Variants in SAG observed in about 807,000 individuals in gnomAD.
SAG encodes S-antigen visual arrestin, also known as S-arrestin.
SAG carries 45 observed loss-of-function variants against 55.0 expected under a neutral mutation model. The ratio of observed to expected loss-of-function variants is 0.82; its 90% confidence interval spans 0.64 to 1.05. SAG has a LOEUF of 1.05. Ranked by LOEUF, SAG falls within the 50% of genes least tolerant of loss-of-function variation. The pLI is 0.00. For synonymous variants in SAG, 189 were observed against 197.4 expected, an observed-to-expected ratio of 0.96 and a Z score of 0.36; for missense variants, 455 against 512.1, an observed-to-expected ratio of 0.89 and a Z score of 1.08.
chr2:233,315,662 G>A (rs539348802), intron 2 of SAG, among the ~76,000 whole-genome samples: 143 of 151,208 alleles, frequency 9.5e-4, no homozygotes, highest in African/African-American at 3.3e-3. Context: ...GATTTAACAT[G>A]CAAATGGATG....
chr2:233,346,411 A>C lies in SAG; in HGVS notation c.1111A>C (p.Ser371Arg), dbSNP rs1701254072. Residue 371 changes from serine (S) to arginine (R), a missense_variant and splice_region_variant, in exon 15 of 16, where the codon AGT (serine) becomes CGT (arginine). Transcript: ENST00000409110. ...TTATTCCATGCTTACAGCTAAGGAA[A>C]GGTGAGTGAGCCTCTTGAATGTGGC... Reference protein sequence around the residue: ...HPQPEDPAKESYQDANLVFEE... With the variant: ...HPQPEDPAKERYQDANLVFEE... The C allele has an allele frequency of 6.2e-7, 1 of 1,613,716 alleles. No individual in the cohort carries two copies. The highest frequency in any genetic ancestry group is 8.5e-7 in the Non-Finnish European group (1 of 1,179,762).
At chr2:233,336,689 A>G (rs1316604416) in intron 11 of SAG, among the ~76,000 whole-genome samples, 1 of 152,196 alleles carries the variant, frequency 6.6e-6, no homozygotes, top group African/African-American at 2.4e-5. Context: ...TCCACTCCAC[A>G]GCAAATCTCC....
chr2:233,316,996 A>G (rs1574930633), intron 3 of SAG, among the ~76,000 whole-genome samples: 1 of 152,100 alleles, frequency 6.6e-6, no homozygotes, highest in African/African-American at 2.4e-5. Context: ...CAAGTAGCTG[A>G]GACTACAGGC....
intron 7 of SAG, 163 bp downstream of exon 7, chr2:233,327,360 GA>G (rs773130070): frequency 1.0e-4 from 54 of 514,514 alleles, no homozygotes; most frequent in Middle Eastern, 4.1e-4. Context: ...CATTTTTGGG[GA>G]AAAAAAAGAA....
intron 2 of SAG, among the ~76,000 whole-genome samples, chr2:233,315,568 C>T (rs1259141497): frequency 6.6e-6 from 1 of 151,930 alleles, no homozygotes; most frequent in African/African-American, 2.4e-5. Flanking sequence ...GCTGGGATTA[C>T]AGGGGTGAGC....
chr2:233,326,586 C>CAA (rs35383170), intron 6 of SAG, among the ~76,000 whole-genome samples: 26 of 123,616 alleles, frequency 2.1e-4, no homozygotes, highest in East Asian at 9.4e-4. Context: ...ACTCCATCTC[C>CAA]AAAAAAAAAA....
At chr2:233,315,309 T>TC in intron 2 of SAG, among the ~76,000 whole-genome samples, 1 of 129,270 alleles carries the variant, frequency 7.7e-6, no homozygotes, top group Non-Finnish European at 1.6e-5. Context: ...TTTTTTTTTT[T>TC]TGAGACAGAG....
chr2:233,337,971 A>G (rs893162499), intron 11 of SAG, among the ~76,000 whole-genome samples: 3 of 152,226 alleles, frequency 2.0e-5, no homozygotes, highest in Non-Finnish European at 4.4e-5. Flanking sequence ...ATTTCTGTCA[A>G]GGAACGTCAC....
At chr2:233,321,986 TACACACACACACACACACACACAC>T (rs57822347) in intron 5 of SAG, among the ~76,000 whole-genome samples, 41 of 133,336 alleles carry the variant, frequency 3.1e-4, no homozygotes, top group Admixed American at 8.4e-4. Flanking sequence ...CTACTAAAAA[TACACACACACACACACACACACAC>T]ACACACACAC....
rs759189697 is a variant in SAG, at chr2:233,328,629, C to T, written c.648+16C>T. 21 of 1,597,876 alleles carry T rather than the reference C, an allele frequency of 1.3e-5. No individual in the cohort carries two copies. The highest frequency in any genetic ancestry group is 1.7e-5 in the Non-Finnish European group (20 of 1,168,962). On this transcript the variant is annotated intron_variant, in intron 8 of 15. Coordinates refer to ENST00000409110, the MANE Select transcript of SAG (RefSeq NM_000541.5). ...CAACAAAGAGGTAACCACCTACCAT[C>T]GCTACTACCCGCAGGGCAGCAGGCC...
chr2:233,319,727 G>T lies in SAG; in HGVS notation c.182-903G>T, dbSNP rs75912513. On this transcript the variant is annotated intron_variant, in intron 4 of 15. Transcript: ENST00000409110. This position sits in a 1 kb window ranked among gnomAD's most constrained non-coding sequence, Gnocchi z 4.4. Reference sequence around the variant, plus strand: ...CCCAAGTCCTTGACCAGAGAAGGGCGCCTGTTCTCAGGGAAAGCCACTGCA... The same window carrying T: ...CCCAAGTCCTTGACCAGAGAAGGGCTCCTGTTCTCAGGGAAAGCCACTGCA... 6.4e-5 allele frequency: 63 copies of T among 985,592 alleles called. No homozygotes were observed. The highest frequency in any genetic ancestry group is 7.2e-5 in the Non-Finnish European group (60 of 830,114). 61.1% of individuals were successfully genotyped at this position (985,592 alleles called of 1,614,324 possible). A position where few individuals can be genotyped will look rare whatever the true frequency, so the allele number is the denominator to read the frequency against.
At chr2:233,323,416 T>G (rs1574937127) in intron 6 of SAG, among the ~76,000 whole-genome samples, 1 of 150,490 alleles carries the variant, frequency 6.6e-6, no homozygotes, top group East Asian at 2.0e-4. Context: ...CAGGCTGGAG[T>G]GCAATGGCAT....
At position 233,323,006 on chromosome 2, in the gene SAG, G is replaced by T. The variant is rs750740193; in HGVS notation, c.435+1G>T. 3 of 1,553,206 alleles carry T rather than the reference G, an allele frequency of 1.9e-6. No homozygotes were observed. Among genetic ancestry groups the T allele is most frequent in the Non-Finnish European group, 2.6e-6 (3 of 1,138,766 alleles). ...GCCAGCTCCACAAGATTCAGGGAAG[G>T]TTAGTTCAAGAAGAAATGCCATGGT... On this transcript the variant is annotated splice_donor_variant, in intron 6 of 15. Coordinates refer to ENST00000409110, the MANE Select transcript of SAG (RefSeq NM_000541.5). LOFTEE classifies it high-confidence loss of function.
chr2:233,343,758 T>C (rs992837989), intron 14 of SAG: 6 of 1,096,036 alleles, frequency 5.5e-6, no homozygotes, highest in African/African-American at 3.4e-5. Context: ...TCCGTAGGTA[T>C]AGGAATAAGG....
At chr2:233,336,869 GC>G (rs1236156272) in intron 11 of SAG, among the ~76,000 whole-genome samples, 1 of 152,130 alleles carries the variant, frequency 6.6e-6, no homozygotes, top group African/African-American at 2.4e-5. Flanking sequence ...GCCAGAGTGG[GC>G]GAATCGCTTG....
At chr2:233,343,807 A>C (rs1382191805) in intron 14 of SAG, 1 of 990,974 alleles carries the variant, frequency 1.0e-6, no homozygotes, top group African/African-American at 1.8e-5. Context: ...AGCAGGGTTT[A>C]TTTTTCTCAT....
At chr2:233,314,699 T>C (rs989725714) in intron 2 of SAG, among the ~76,000 whole-genome samples, 1 of 152,164 alleles carries the variant, frequency 6.6e-6, no homozygotes, top group Admixed American at 6.5e-5. Context: ...TCCTACGGAA[T>C]CTTCTCTGTA....
intron 10 of SAG, 50 bp from the exon 11 acceptor site, chr2:233,334,912 T>G (rs1700872947): frequency 3.1e-6 from 5 of 1,605,074 alleles, no homozygotes; most frequent in Non-Finnish European, 2.6e-6. Context: ...GCTCATGGGG[T>G]CCATGGCAGC....
intron 14 of SAG, chr2:233,343,628 A>G: frequency 1.6e-6 from 2 of 1,216,536 alleles, no homozygotes; most frequent in South Asian, 1.3e-5. Flanking sequence ...CTTTCTAAAA[A>G]GGTAAATGAA....
Sources: gnomAD v4.1 joint callset for allele counts (sites outside exome capture counted in the v4.1 genomes callset) on GRCh38, gnomAD v4.1.1 for gene constraint, Gnocchi (gnomAD v3.1) non-coding constraint, MANE v1.5 for transcripts, NCBI Gene and HGNC (gene_info 2026-07-23, HGNC 2026-07-21) for gene names.